The following BRWD3 variants were observed in gnomAD, a reference collection of about 807,000 sequenced individuals.
BRWD3 encodes bromodomain and WD repeat-containing protein 3.
Under a neutral mutation model 149.7 loss-of-function variants are expected in BRWD3, and 10 were observed. That is an observed-to-expected ratio of 0.07 (90% CI 0.04 to 0.11). The LOEUF (loss-of-function observed/expected upper bound fraction) is 0.11. BRWD3 is among the 10% of genes least tolerant of loss of function. The pLI, the probability that BRWD3 is intolerant of heterozygous loss-of-function variation, is 1.00. For synonymous variants in BRWD3, 504 were observed against 456.7 expected, an observed-to-expected ratio of 1.10 and a Z score of -1.32; for missense variants, 940 against 1,373.2, an observed-to-expected ratio of 0.68 and a Z score of 4.99.
At chrX:80,707,174 T>C (rs1335629675) in intron 22 of BRWD3, among the ~76,000 whole-genome samples, 1 of 112,285 alleles carries the variant, frequency 8.9e-6, no homozygotes, top group Non-Finnish European at 1.9e-5. Flanking sequence ...AGAGGGTGAA[T>C]ATAATTGCCA....
At chrX:80,704,580 AT>A in intron 23 of BRWD3, 97 bp downstream of exon 23, 1 of 831,721 alleles carries the variant, frequency 1.2e-6, no homozygotes, top group South Asian at 2.4e-5. Flanking sequence ...ATGAAATGTT[AT>A]TTTTAGAGAA....
intron 28 of BRWD3, 107 bp downstream of exon 28, chrX:80,692,833 A>G (rs1602311611): frequency 3.3e-6 from 2 of 614,848 alleles, no homozygotes; most frequent in East Asian, 6.5e-5. Context: ...AGGTATTGTG[A>G]GACTAGATAA....
intron 4 of BRWD3, among the ~76,000 whole-genome samples, chrX:80,798,969 T>G (rs1183837718): frequency 8.9e-6 from 1 of 111,996 alleles, no homozygotes; most frequent in Non-Finnish European, 1.9e-5. Flanking sequence ...AATCTGGGTT[T>G]CTCTGCCCAC....
At chrX:80,746,059 C>T (rs748377545) in intron 6 of BRWD3, among the ~76,000 whole-genome samples, 1 of 110,683 alleles carries the variant, frequency 9.0e-6, no homozygotes, top group African/African-American at 3.3e-5. Context: ...CTTTCTATAA[C>T]ATGAAGAAAT....
chrX:80,759,592 A>G (rs982572186), intron 6 of BRWD3, among the ~76,000 whole-genome samples: 1 of 112,183 alleles, frequency 8.9e-6, no homozygotes, highest in African/African-American at 3.2e-5. Context: ...TTTAGCTATG[A>G]ATGTGATACC....
intron 21 of BRWD3, 82 bp downstream of exon 21, chrX:80,709,346 A>G: frequency 2.6e-6 from 2 of 778,954 alleles, no homozygotes; most frequent in Middle Eastern, 3.5e-4. Flanking sequence ...TTTCTATTAA[A>G]GAAGTGACCC....
intron 4 of BRWD3, among the ~76,000 whole-genome samples, chrX:80,800,128 T>C (rs1027088078): frequency 2.8e-5 from 3 of 108,369 alleles, no homozygotes; most frequent in Admixed American, 1.0e-4. Context: ...CCTTGAAAAA[T>C]ATAAGAAAAG....
In BRWD3 at chrX:80,809,314, A is replaced by G; in HGVS notation, c.32-10T>C. ...ATCAGGTAATACAGCTCTGGGGAAG[A>G]GGGGGGAAAAGAGGTTCAGAGGGAG... On this transcript the variant is annotated splice_polypyrimidine_tract_variant and intron_variant, in intron 1 of 40. Coordinates refer to ENST00000373275, the MANE Select transcript of BRWD3 (RefSeq NM_153252.5). 8.4e-7 allele frequency: 1 copy of G among 1,188,414 alleles called. No individual in the cohort carries two copies. The highest frequency in any genetic ancestry group is 1.1e-6 in the Non-Finnish European group (1 of 881,377).
At chrX:80,764,164 G>A (rs908878808) in intron 6 of BRWD3, among the ~76,000 whole-genome samples, 1 of 112,328 alleles carries the variant, frequency 8.9e-6, no homozygotes, top group Non-Finnish European at 1.9e-5. Context: ...ATACAGAAGT[G>A]AAAGAATAAT....
At chrX:80,796,008 GTT>G (rs1392973120) in intron 4 of BRWD3, among the ~76,000 whole-genome samples, 1 of 107,628 alleles carries the variant, frequency 9.3e-6, no homozygotes, top group African/African-American at 3.4e-5. Flanking sequence ...TATTTTGTGT[GTT>G]TTTTTTTCAA....
intron 6 of BRWD3, among the ~76,000 whole-genome samples, chrX:80,790,744 A>C (rs2147853583): frequency 8.9e-6 from 1 of 112,274 alleles, no homozygotes; most frequent in Admixed American, 9.5e-5. Flanking sequence ...AACACACTAC[A>C]AAATAATGTT....
In BRWD3 at chrX:80,684,015, A is replaced by C. The variant is rs2147678364; in HGVS notation, c.4228T>G (p.Ser1410Ala). ...AACCCAACTAATAATCATACCCTTG[A>C]CTTTTTATTAGAGGTATAAGCTTTG... is the stretch of plus-strand genomic sequence containing the variant. ...NSKAYTSNKK[S>A]RIYSMMLRLS... Residue 1410 changes from serine to alanine, a missense_variant, in exon 37 of 41, where the codon TCA (serine) becomes GCA (alanine). By Grantham distance (99) the Ser-to-Ala change is moderately conservative. Around this residue, in one of 6 missense-constraint regions of BRWD3, gnomAD observed 349 missense variants for 419.6 expected, o/e 0.83. Coordinates refer to ENST00000373275, the MANE Select transcript of BRWD3 (RefSeq NM_153252.5). 2 of 1,207,831 alleles carry C rather than the reference A, an allele frequency of 1.7e-6. No individual in the cohort carries two copies. Among genetic ancestry groups the C allele is most frequent in the Non-Finnish European group, 2.2e-6 (2 of 892,669 alleles).
chrX:80,711,005 GA>G (rs765553550), intron 20 of BRWD3, among the ~76,000 whole-genome samples: 1 of 104,463 alleles, frequency 9.6e-6, no homozygotes, highest in African/African-American at 3.5e-5. Context: ...TTCACCTCCT[GA>G]AAAAAAAAAG....
chrX:80,700,470 C>T (rs2072770434), intron 24 of BRWD3, among the ~76,000 whole-genome samples: 1 of 16,227 alleles, frequency 6.2e-5, no homozygotes, highest in Non-Finnish European at 1.4e-4. Flanking sequence ...GGCATGGTGG[C>T]TCACGCCTTT....
At chrX:80,713,648 C>A (rs1396195122) in intron 20 of BRWD3, among the ~76,000 whole-genome samples, 1 of 109,274 alleles carries the variant, frequency 9.2e-6, no homozygotes, top group Non-Finnish European at 1.9e-5. Flanking sequence ...TATGACCCTG[C>A]CAAATCCCCC....
At chrX:80,686,657 T>C (rs889491422) in intron 35 of BRWD3, among the ~76,000 whole-genome samples, 2 of 111,139 alleles carry the variant, frequency 1.8e-5, no homozygotes, top group Non-Finnish European at 3.8e-5. Flanking sequence ...TTTAAATTTT[T>C]GTTTTACAAC....
intron 6 of BRWD3, among the ~76,000 whole-genome samples, chrX:80,783,403 T>C (rs1405575922): frequency 1.1e-5 from 1 of 88,297 alleles, no homozygotes; most frequent in Non-Finnish European, 2.3e-5. Flanking sequence ...AAAAAAAAAA[T>C]CCAAAAGACA....
chrX:80,763,912 A>T (rs1269489390), intron 6 of BRWD3, among the ~76,000 whole-genome samples: 1 of 112,096 alleles, frequency 8.9e-6, no homozygotes, highest in Non-Finnish European at 1.9e-5. Flanking sequence ...GAATATAGAA[A>T]ACAATCTTTA....
At chrX:80,698,412 A>C (rs769294614) in intron 25 of BRWD3, among the ~76,000 whole-genome samples, 1 of 111,985 alleles carries the variant, frequency 8.9e-6, no homozygotes. Flanking sequence ...AGGTTAGGAT[A>C]AAAAGTAAGA....
Sources: allele counts gnomAD v4.1 joint callset (sites outside exome capture counted in the v4.1 genomes callset), GRCh38; gene constraint gnomAD v4.1.1; regional missense constraint gnomAD v4.1.1; transcripts MANE v1.5; gene names NCBI Gene and HGNC (gene_info 2026-07-23, HGNC 2026-07-21).